Variants in DENND3 observed in about 807,000 individuals in gnomAD.
DENND3 encodes the protein DENN domain-containing protein 3.
Under a neutral mutation model 135.1 loss-of-function variants are expected in DENND3, and 88 were observed. The observed-to-expected ratio is 0.65, with a 90% CI of 0.55 to 0.78. DENND3 has a LOEUF of 0.78. Among genes scored for constraint, DENND3 ranks in the 30% least tolerant of loss-of-function variants. The pLI is 0.00. For synonymous variants in DENND3, 693 were observed against 712.3 expected (o/e 0.97, Z 0.43); for missense variants, 1,392 against 1,688.4 (o/e 0.82, Z 3.08).
At position 141,141,339 on chromosome 8, in the gene DENND3, C is replaced by A. The variant is rs7825201; in HGVS notation, c.623+15C>A. On this transcript the variant is annotated intron_variant, in intron 4 of 22. Transcript: ENST00000519811. The surrounding 1 kb of genome is among the most constrained non-coding windows in gnomAD (Gnocchi z 5.3). ...TGCCTTTCCTGGTGAGCTGGGGCAC[C>A]GGGGGCCAGGGGTGGTAGGGGGCAG... 9 of 1,407,314 alleles carry A rather than the reference C, an allele frequency of 6.4e-6. No homozygotes were observed. Among genetic ancestry groups the A allele is most frequent in the East Asian group, 3.5e-5 (1 of 28,498 alleles). The allele number at this position is 1,407,314 out of a possible 1,614,324, so 87.2% of individuals were successfully genotyped here.
At chr8:141,140,510 G>A (rs117166098) in intron 3 of DENND3, among the ~76,000 whole-genome samples, 7 of 152,326 alleles carry the variant, frequency 4.6e-5, no homozygotes, top group Non-Finnish European at 1.0e-4. Flanking sequence ...TGACAGAGCA[G>A]GCAGGGTTGG....
Position 141,178,147 on chromosome 8 carries a change from C to T in DENND3, c.2787C>T (p.Ala929=), listed in dbSNP as rs1220397266. Residue 929 remains alanine (A), a synonymous_variant, in exon 16 of 23, where the codon GCC becomes GCT. Coordinates refer to ENST00000519811, the MANE Select transcript of DENND3 (RefSeq NM_001352890.3). ...AVVGTLQSPG[A]IYAASKLSYF... ...TGGGCACACTGCAGTCACCAGGCGC[C>T]ATCTACGCTGCCTCCAAGTTATCCT... 6.2e-7 allele frequency: 1 copy of T among 1,613,360 alleles called. No individual in the cohort carries two copies. Among genetic ancestry groups the T allele is most frequent in the Non-Finnish European group, 8.5e-7 (1 of 1,179,376 alleles).
rs1815486787 is a variant in DENND3, at chr8:141,128,744, T to C, written c.37T>C (p.Ser13Pro). The change falls in exon 1 of 23, where the codon TCG becomes CCG. Residue 13 changes from serine to proline, a missense_variant. Ser to Pro is a moderately conservative substitution (Grantham distance 74, BLOSUM62 -1). Coordinates refer to ENST00000519811, the MANE Select transcript of DENND3 (RefSeq NM_001352890.3). The surrounding 1 kb of genome is among the most constrained non-coding windows in gnomAD (Gnocchi z 4.5). ...CGCGTCGCCGCACTTGTCGCTGCCCTCGGGGCTGCTGGAGCTCTGCGCGCT... is the reference window on the plus strand; with the variant it reads ...CGCGTCGCCGCACTTGTCGCTGCCCCCGGGGCTGCTGGAGCTCTGCGCGCT... ...EAASPHLSLPSGLLELCALLG... is the reference protein window; with the variant it reads ...EAASPHLSLPPGLLELCALLG... The C allele has an allele frequency of 1.4e-6, 2 of 1,456,376 alleles. No individual in the cohort carries two copies. Among genetic ancestry groups the C allele is most frequent in the Non-Finnish European group, 1.8e-6 (2 of 1,106,828 alleles). 90.2% of individuals were successfully genotyped at this position (1,456,376 alleles called of 1,614,324 possible). A position where few individuals can be genotyped will look rare whatever the true frequency, so the allele number is the denominator to read the frequency against.
chr8:141,177,569 AG>A (rs1364462452), intron 15 of DENND3: 2 of 152,842 alleles, frequency 1.3e-5, no homozygotes, highest in Non-Finnish European at 2.9e-5. Context: ...CACAGGGCAG[AG>A]GGGGACTGGG....
At position 141,136,773 on chromosome 8, in the gene DENND3, C is replaced by A; in HGVS notation, c.367C>A (p.Pro123Thr). 1 of 1,580,838 alleles carries A rather than the reference C, an allele frequency of 6.3e-7. No homozygotes were observed. Among genetic ancestry groups the A allele is most frequent in the Admixed American group, 1.9e-5 (1 of 54,010 alleles). Reference sequence around the variant, plus strand: ...GGGCGGCGTGGACCTCCTCACCCTGCCGCAGCTGTGCTTCCCAGGTATGTC... The same window carrying A: ...GGGCGGCGTGGACCTCCTCACCCTGACGCAGCTGTGCTTCCCAGGTATGTC... ...VPGGVDLLTLPQLCFPGGVCV... is the reference protein window; with the variant it reads ...VPGGVDLLTLTQLCFPGGVCV... The change falls in exon 2 of 23, where the codon CCG becomes ACG. Residue 123 changes from proline to threonine, a missense_variant. Transcript: ENST00000519811.
intron 14 of DENND3, 184 bp from the exon 15 acceptor site, chr8:141,176,407 A>C (rs1822375913): frequency 2.9e-6 from 2 of 678,260 alleles, no homozygotes; most frequent in Non-Finnish European, 4.9e-6. Flanking sequence ...ACCGCAGGTG[A>C]ATCCTACCTG....
At chr8:141,163,462 G>A in intron 10 of DENND3, 33 bp downstream of exon 10, 1 of 1,351,558 alleles carries the variant, frequency 7.4e-7, no homozygotes, top group Non-Finnish European at 1.1e-6. Flanking sequence ...GTGCCTGTGT[G>A]TGTTCAATCC....
chr8:141,129,165 A>T (rs944511577), intron 1 of DENND3, among the ~76,000 whole-genome samples: 9 of 152,216 alleles, frequency 5.9e-5, no homozygotes, highest in Non-Finnish European at 1.3e-4. Context: ...CATCTTGGGC[A>T]GGTGCTTCTG....
At position 141,141,343 on chromosome 8, in the gene DENND3, G is replaced by A. The variant is rs1473204559; in HGVS notation, c.623+19G>A. 2 of 1,612,296 alleles carry A rather than the reference G, an allele frequency of 1.2e-6. No individual in the cohort carries two copies. Among genetic ancestry groups the A allele is most frequent in the Admixed American group, 3.3e-5 (2 of 59,998 alleles). ...TTTCCTGGTGAGCTGGGGCACCGGG[G>A]GCCAGGGGTGGTAGGGGGCAGCTCT... On this transcript the variant is annotated intron_variant, in intron 4 of 22. Transcript: ENST00000519811. This position sits in a 1 kb window ranked among gnomAD's most constrained non-coding sequence, Gnocchi z 5.3.
At position 141,163,316 on chromosome 8, in the gene DENND3, C is replaced by T; in HGVS notation, c.1353-17C>T. ...TTAAGAAAGTTTTAGCACTCAGACTCTCTTTCTCTTTGTTAGGGATGTAAA... is the reference window on the plus strand; with the variant it reads ...TTAAGAAAGTTTTAGCACTCAGACTTTCTTTCTCTTTGTTAGGGATGTAAA... On this transcript the variant is annotated splice_polypyrimidine_tract_variant and intron_variant, in intron 9 of 22. Transcript: ENST00000519811. 1 of 1,503,182 alleles carries T rather than the reference C, an allele frequency of 6.7e-7. No homozygotes were observed. Among genetic ancestry groups the T allele is most frequent in the Non-Finnish European group, 9.2e-7 (1 of 1,088,676 alleles). 93.1% of individuals were successfully genotyped at this position (1,503,182 alleles called of 1,614,324 possible).
intron 17 of DENND3, among the ~76,000 whole-genome samples, chr8:141,183,656 C>T (rs1439906416): frequency 6.6e-6 from 1 of 151,134 alleles, no homozygotes; most frequent in Non-Finnish European, 1.5e-5. Flanking sequence ...GACCAAAGAG[C>T]GCCCTCTGGC....
At chr8:141,173,451 A>G (rs1274016379) in intron 13 of DENND3, 2 of 152,190 alleles carry the variant, frequency 1.3e-5, no homozygotes, top group African/African-American at 4.8e-5. Context: ...TCACCCCTGC[A>G]GGGCCGGCAG....
chr8:141,131,535 A>G (rs1277059944), intron 1 of DENND3, among the ~76,000 whole-genome samples: 1 of 152,220 alleles, frequency 6.6e-6, no homozygotes, highest in Non-Finnish European at 1.5e-5. Flanking sequence ...ACATGTGGTC[A>G]CTGAGCTTGT....
rs1817093277 is a variant in DENND3, at chr8:141,138,742, C to T, written c.501+605C>T. Among the ~76,000 whole-genome samples, 1 of 152,184 alleles carries T rather than the reference C, an allele frequency of 6.6e-6. No individual in the cohort carries two copies. Among genetic ancestry groups the T allele is most frequent in the Admixed American group, 6.5e-5 (1 of 15,278 alleles). On this transcript the variant is annotated intron_variant, in intron 3 of 22. Transcript: ENST00000519811. This position sits in a 1 kb window ranked among gnomAD's most constrained non-coding sequence, Gnocchi z 4.8. Reference sequence around the variant, plus strand: ...ATTCTGGACACTTCGTGTAAGTGGACTCATACAGCATGTGGCCTGCTTGTC... The same window carrying T: ...ATTCTGGACACTTCGTGTAAGTGGATTCATACAGCATGTGGCCTGCTTGTC...
chr8:141,183,360 C>T (rs1207798920), intron 17 of DENND3, among the ~76,000 whole-genome samples: 1 of 152,140 alleles, frequency 6.6e-6, no homozygotes, highest in Non-Finnish European at 1.5e-5. Flanking sequence ...ATCCTCCGCC[C>T]TCGGCCTCCT....
chr8:141,192,665 T>G lies in DENND3; in HGVS notation c.3636+2T>G. The G allele has an allele frequency of 3.7e-6, 6 of 1,606,576 alleles. No individual in the cohort carries two copies. Among genetic ancestry groups the G allele is most frequent in the Non-Finnish European group, 5.1e-6 (6 of 1,175,286 alleles). Reference sequence around the variant, plus strand: ...TGCATGATCCGGGTGAAGAAGCAGGTAGGGTGGAGGGCCCGCCATCCCCAG... The same window carrying G: ...TGCATGATCCGGGTGAAGAAGCAGGGAGGGTGGAGGGCCCGCCATCCCCAG... On this transcript the variant is annotated splice_donor_variant, in intron 22 of 22. Transcript: ENST00000519811. LOFTEE classifies it high-confidence loss of function.
chr8:141,192,999 T>A (rs1348128119), intron 22 of DENND3: 1 of 927,912 alleles, frequency 1.1e-6, no homozygotes, highest in Non-Finnish European at 1.5e-6. Flanking sequence ...GGGGGGAGCG[T>A]GCACTCCAGG....
rs946681684 is a variant in DENND3, at chr8:141,195,149, A to C, written c.*916A>C. On this transcript the variant is annotated 3_prime_UTR_variant, in exon 23 of 23. Coordinates refer to ENST00000519811, the MANE Select transcript of DENND3 (RefSeq NM_001352890.3). ...ACGCGCAGCATGCTATACTGAACTC[A>C]ACAAGATCTTGGCTGTACATAAATA... The C allele has an allele frequency of 6.6e-6, 1 of 152,242 alleles. No homozygotes were observed. The highest frequency in any genetic ancestry group is 2.4e-5 in the African/African-American group (1 of 41,454). The allele number at this position is 152,242 out of a possible 1,614,324, so 9.4% of individuals were successfully genotyped here. A position where few individuals can be genotyped will look rare whatever the true frequency, so the allele number is the denominator to read the frequency against.
chr8:141,183,502 C>T (rs992211770), intron 17 of DENND3, among the ~76,000 whole-genome samples: 8 of 151,374 alleles, frequency 5.3e-5, no homozygotes, highest in East Asian at 1.9e-4. Context: ...AGCAGTCTGC[C>T]GGTTTTGGAC....
Sources: allele counts gnomAD v4.1 joint callset (sites outside exome capture counted in the v4.1 genomes callset), GRCh38; gene constraint gnomAD v4.1.1; non-coding constraint Gnocchi (gnomAD v3.1); transcripts MANE v1.5; gene names NCBI Gene and HGNC (gene_info 2026-07-23, HGNC 2026-07-21).